The following CAPN13 variants were observed in gnomAD, a reference collection of about 807,000 sequenced individuals.
CAPN13 encodes calpain 13.
CAPN13 carries 90 observed loss-of-function variants against 98.4 expected under a neutral mutation model. The ratio of observed to expected loss-of-function variants is 0.92; its 90% CI spans 0.77 to 1.09. CAPN13 has a LOEUF of 1.09. Among genes scored for constraint, CAPN13 ranks in the 50% least tolerant of loss-of-function variants. The pLI, the probability that CAPN13 is intolerant of heterozygous loss-of-function variation, is 0.00. For missense variants in CAPN13, 887 were observed against 841.3 expected (o/e 1.05, Z -0.67); for synonymous variants, 330 against 305.5 (o/e 1.08, Z -0.84).
chr2:30,799,060 C>T (rs766626169), intron 1 of CAPN13, among the ~76,000 whole-genome samples: 5 of 151,984 alleles, frequency 3.3e-5, no homozygotes, highest in Non-Finnish European at 7.3e-5. Context: ...ACCACCTTGG[C>T]ATACCTCAGG....
intron 22 of CAPN13, among the ~76,000 whole-genome samples, chr2:30,725,066 A>T (rs766588516): frequency 1.3e-5 from 2 of 152,218 alleles, no homozygotes; most frequent in Non-Finnish European, 2.9e-5. Flanking sequence ...TTTTACTGGC[A>T]TATTGATAGA....
Position 30,754,285 on chromosome 2 carries a change from A to T in CAPN13, c.941+5T>A. ...AAAACACCATTGTATAAGAAGGGTA[A>T]ATACCAAAACTCGCCATCTTCCCGT... On this transcript the variant is annotated splice_donor_5th_base_variant and intron_variant, in intron 9 of 22. Coordinates refer to ENST00000295055, the MANE Select transcript of CAPN13 (RefSeq NM_144575.3). 6.2e-7 allele frequency: 1 copy of T among 1,601,354 alleles called. No homozygotes were observed. The highest frequency in any genetic ancestry group is 1.1e-5 in the South Asian group (1 of 88,006).
chr2:30,763,729 C>A (rs1255061517), intron 6 of CAPN13, among the ~76,000 whole-genome samples: 1 of 152,212 alleles, frequency 6.6e-6, no homozygotes, highest in Non-Finnish European at 1.5e-5. Flanking sequence ...TCAGAGGGCC[C>A]TGGGGGGCTC....
chr2:30,757,975 C>A, intron 8 of CAPN13, 71 bp downstream of exon 8: 1 of 1,209,788 alleles, frequency 8.3e-7, no homozygotes, highest in Non-Finnish European at 1.1e-6. Flanking sequence ...AGCCCCTGCT[C>A]TCATGGGCAG....
intron 19 of CAPN13, among the ~76,000 whole-genome samples, chr2:30,733,239 G>A (rs576340626): frequency 5.6e-4 from 85 of 152,288 alleles, no homozygotes; most frequent in African/African-American, 1.9e-3. Context: ...GACAAGCCTG[G>A]TGGCCCATGA....
At chr2:30,779,695 C>G (rs1011220603) in intron 2 of CAPN13, among the ~76,000 whole-genome samples, 12 of 151,628 alleles carry the variant, frequency 7.9e-5, no homozygotes, top group African/African-American at 2.9e-4. Context: ...ATTTAGCAGT[C>G]AATTCATAGA....
chr2:30,793,486 G>T (rs1342243484), intron 1 of CAPN13, among the ~76,000 whole-genome samples: 1 of 151,460 alleles, frequency 6.6e-6, no homozygotes, highest in East Asian at 1.9e-4. Flanking sequence ...TTATTGGAAG[G>T]CTCAATACTG....
rs778453504 is a variant in CAPN13 at position 30,775,896 on chromosome 2, C to T, written c.387+34G>A. ...CCTTCCCTGTACTCACAGAGAACCC[C>T]ATCATATAATGAGCGCTGCAAGGGC... On this transcript the variant is annotated intron_variant, in intron 4 of 22. Transcript: ENST00000295055. The T allele has an allele frequency of 5.3e-6, 8 of 1,498,152 alleles. No individual in the cohort carries two copies. In the African/African-American group the frequency reaches 8.3e-5, roughly 16 times the overall value. 92.8% of individuals were successfully genotyped at this position (1,498,152 alleles called of 1,614,324 possible).
chr2:30,754,074 C>T (rs774958120), intron 9 of CAPN13, among the ~76,000 whole-genome samples: 12 of 152,106 alleles, frequency 7.9e-5, no homozygotes, highest in Non-Finnish European at 1.8e-4. Context: ...CTGGAAAGTT[C>T]AGCATTTCAT....
intron 2 of CAPN13, among the ~76,000 whole-genome samples, chr2:30,779,591 T>C (rs540962345): frequency 1.3e-4 from 20 of 152,290 alleles, no homozygotes; most frequent in Admixed American, 3.3e-4. Context: ...GATCCCCCTC[T>C]TTTGAAATAT....
At chr2:30,796,200 GTATATATATATACACATATA>G (rs1674868036) in intron 1 of CAPN13, among the ~76,000 whole-genome samples, 2 of 136,566 alleles carry the variant, frequency 1.5e-5, no homozygotes, top group African/African-American at 6.3e-5. Flanking sequence ...ATATGTGTGT[GTATATATATATACACATATA>G]TATGTATATA....
rs539358969 is a variant in CAPN13, at chr2:30,791,835, G to A, written c.-32-4478C>T. Among the ~76,000 whole-genome samples, 10 of 152,236 alleles carry A rather than the reference G, an allele frequency of 6.6e-5. No homozygotes were observed. The East Asian group carries it at 1.2e-3, about 18-fold the overall frequency. On this transcript the variant is annotated intron_variant, in intron 1 of 22. Coordinates refer to ENST00000295055, the MANE Select transcript of CAPN13 (RefSeq NM_144575.3). ...ACCATGAAATATTTTATGAAAAGAT[G>A]TTCATTATTATTTATTTATCTGACT...
At chr2:30,788,819 C>A (rs1053294602) in intron 1 of CAPN13, among the ~76,000 whole-genome samples, 1 of 152,146 alleles carries the variant, frequency 6.6e-6, no homozygotes, top group Admixed American at 6.5e-5. Flanking sequence ...CAGAATATCA[C>A]CAGTCATTGT....
At chr2:30,784,381 C>A (rs1185302950) in intron 2 of CAPN13, among the ~76,000 whole-genome samples, 1 of 152,054 alleles carries the variant, frequency 6.6e-6, no homozygotes, top group Non-Finnish European at 1.5e-5. Flanking sequence ...ATGACTTTTC[C>A]CAAATTAATC....
intron 11 of CAPN13, among the ~76,000 whole-genome samples, chr2:30,749,679 G>C (rs1188193057): frequency 6.6e-6 from 1 of 152,202 alleles, no homozygotes; most frequent in Non-Finnish European, 1.5e-5. Context: ...TCTCAGCTCT[G>C]CCATTAACTC....
chr2:30,750,911 C>T (rs976831026), intron 11 of CAPN13, among the ~76,000 whole-genome samples, 192 bp downstream of exon 11: 2 of 152,302 alleles, frequency 1.3e-5, no homozygotes, highest in Admixed American at 6.5e-5. Flanking sequence ...TAATCATGAT[C>T]GAGTGTCATC....
rs895663061 is a variant in CAPN13 at position 30,760,730 on chromosome 2, C to G, written c.774+2352G>C. Among the ~76,000 whole-genome samples, 5 of 152,198 alleles carry G rather than the reference C, an allele frequency of 3.3e-5. 2 individuals are homozygous for G. Among genetic ancestry groups the G allele is most frequent in the Non-Finnish European group, 7.3e-5 (5 of 68,040 alleles). ...TTTAACCAAGTCAAGTTCGTGAGCC[C>G]TTGTGTCCCTCCTTTATGACAGTGA... On this transcript the variant is annotated intron_variant, in intron 7 of 22. Coordinates refer to ENST00000295055, the MANE Select transcript of CAPN13 (RefSeq NM_144575.3).
chr2:30,743,287 G>T, intron 13 of CAPN13, 96 bp downstream of exon 13: 1 of 1,083,090 alleles, frequency 9.2e-7, no homozygotes, highest in Non-Finnish European at 1.4e-6. Flanking sequence ...CATAGCACAG[G>T]CTGCACGAAT....
intron 4 of CAPN13, 29 bp downstream of exon 4, chr2:30,775,901 T>C (rs1673663045): frequency 6.5e-7 from 1 of 1,529,164 alleles, no homozygotes; most frequent in Non-Finnish European, 9.0e-7. Context: ...AACCCCATCA[T>C]ATAATGAGCG....
Sources: allele counts gnomAD v4.1 joint callset (sites outside exome capture counted in the v4.1 genomes callset), GRCh38; gene constraint gnomAD v4.1.1; transcripts MANE v1.5; gene names NCBI Gene and HGNC (gene_info 2026-07-23, HGNC 2026-07-21).